The following PCDHA5 variants were observed in gnomAD, a reference collection of about 807,000 sequenced individuals.
PCDHA5 encodes the protein protocadherin alpha-5.
A neutral mutation model predicts 61.6 loss-of-function variants in PCDHA5; 43 were observed. The ratio of observed to expected loss-of-function variants is 0.70; its 90% CI spans 0.55 to 0.90. PCDHA5 has a LOEUF of 0.90. PCDHA5 is among the 40% of genes least tolerant of loss of function. PCDHA5 has a pLI of 0.00. For missense variants in PCDHA5, 1,298 were observed against 1,222.7 expected (o/e 1.06, Z -0.92); for synonymous variants, 627 against 543.9 (o/e 1.15, Z -2.13).
rs2150177437 is a variant in PCDHA5 at position 140,829,902 on chromosome 5, AC to A, written c.2352+5776del. 3 of 1,613,830 alleles carry A rather than the reference AC, an allele frequency of 1.9e-6. No homozygotes were observed. The African/African-American group carries it at 4.0e-5, about 22-fold the overall frequency. Reference sequence around the variant, plus strand: ...GCAGTTGACGCCGACTCAGGCTACAACGCGTGGCTTTCGTATGAGCTGCAGC... The same window carrying A: ...GCAGTTGACGCCGACTCAGGCTACAAGCGTGGCTTTCGTATGAGCTGCAGC... On this transcript the variant is annotated intron_variant, in intron 1 of 3. Coordinates refer to ENST00000529859, the MANE Select transcript of PCDHA5 (RefSeq NM_018908.3).
chr5:140,841,449 C>T (rs2150315739), intron 1 of PCDHA5: 8 of 1,612,922 alleles, frequency 5.0e-6, no homozygotes, highest in South Asian at 1.1e-5. Context: ...AAACACGGCA[C>T]CTTCGTGGGC....
At position 140,876,596 on chromosome 5, in the gene PCDHA5, C is replaced by G. The variant is rs1361945795; in HGVS notation, c.2352+52469C>G. ...ACCGTCATTGCCCTGATTAGCGTGT[C>G]GGATCGTGACTCTGGAGCCAATGGA... On this transcript the variant is annotated intron_variant, in intron 1 of 3. Transcript: ENST00000529859. The G allele has an allele frequency of 3.1e-6, 5 of 1,614,040 alleles. No individual in the cohort carries two copies. In the East Asian group the frequency reaches 8.9e-5, roughly 29 times the overall value.
intron 1 of PCDHA5, chr5:140,876,818 A>G: frequency 6.2e-7 from 1 of 1,614,158 alleles, no homozygotes; most frequent in Non-Finnish European, 8.5e-7. Flanking sequence ...GCCGACGTGA[A>G]CGACAATGCG....
In PCDHA5 at chr5:140,978,956, A is replaced by G; in HGVS notation, c.2360A>G (p.Gln787Arg). 3 of 1,614,194 alleles carry G rather than the reference A, an allele frequency of 1.9e-6. No individual in the cohort carries two copies. The highest frequency in any genetic ancestry group is 2.5e-6 in the Non-Finnish European group (3 of 1,180,026). ...CTCTTTGTGATTTTGCAGCCACGAC[A>G]GCCCAACCCTGACTGGCGTTACTCT... ...QGPTSTDNPR[Q>R]PNPDWRYSAS... Residue 787 changes from glutamine (Q) to arginine (R), a missense_variant, in exon 2 of 4, where the codon CAG becomes CGG. Transcript: ENST00000529859.
intron 1 of PCDHA5, chr5:140,876,650 T>C (rs782068706): frequency 3.1e-6 from 5 of 1,614,162 alleles, no homozygotes; most frequent in South Asian, 2.2e-5. Context: ...ACACCTCATG[T>C]TCCCTTCAAG....
intron 1 of PCDHA5, chr5:140,857,097 T>C (rs782084085): frequency 6.3e-7 from 1 of 1,597,284 alleles, no homozygotes; most frequent in Non-Finnish European, 8.6e-7. Context: ...CCTGAGGTGA[T>C]TGTCACTTCT....
chr5:140,921,740 C>T (rs923518440), intron 1 of PCDHA5, among the ~76,000 whole-genome samples: 1 of 152,052 alleles, frequency 6.6e-6, no homozygotes, highest in Non-Finnish European at 1.5e-5. Flanking sequence ...AAATTATAAG[C>T]ATAACAGGAC....
At chr5:140,882,556 T>C (rs367760301) in intron 1 of PCDHA5, 103 of 1,614,070 alleles carry the variant, frequency 6.4e-5, no homozygotes, top group African/African-American at 9.3e-5. Flanking sequence ...AGGAGCTGTG[T>C]GGGCGGAGCG....
At chr5:140,896,882 T>C (rs1345268084) in intron 1 of PCDHA5, among the ~76,000 whole-genome samples, 1 of 152,198 alleles carries the variant, frequency 6.6e-6, no homozygotes. Flanking sequence ...TTATGGGGTA[T>C]ATGAGACATT....
At chr5:140,861,319 C>G (rs781885907) in intron 1 of PCDHA5, 29 of 220,020 alleles carry the variant, frequency 1.3e-4, no homozygotes, top group Non-Finnish European at 2.1e-4. Context: ...ACCAGTTCCA[C>G]TACACCATCC....
At position 140,847,437 on chromosome 5, in the gene PCDHA5, C is replaced by T. The variant is rs959002697; in HGVS notation, c.2352+23310C>T. The T allele has an allele frequency of 2.0e-5, 3 of 149,574 alleles. 1 individual carries two copies. The highest frequency in any genetic ancestry group is 4.5e-5 in the Non-Finnish European group (3 of 66,910). 9.3% of individuals were successfully genotyped at this position (149,574 alleles called of 1,614,324 possible). ...CGGTTTTGCCTTTAGACTTGAGATA[C>T]ACTAAAATCTAGATTTAATTAATCG... is the stretch of plus-strand genomic sequence containing the variant. On this transcript the variant is annotated intron_variant, in intron 1 of 3. Coordinates refer to ENST00000529859, the MANE Select transcript of PCDHA5 (RefSeq NM_018908.3).
chr5:140,983,270 GGGT>G (rs1349296894), intron 3 of PCDHA5, among the ~76,000 whole-genome samples: 4 of 152,152 alleles, frequency 2.6e-5, no homozygotes, highest in Non-Finnish European at 2.9e-5. Flanking sequence ...CCTAATGGCT[GGGT>G]GAGTATAGGA....
At chr5:140,851,069 A>T in intron 1 of PCDHA5, 1 of 1,353,390 alleles carries the variant, frequency 7.4e-7, no homozygotes, top group Non-Finnish European at 9.7e-7. Flanking sequence ...TCTAGTGAGA[A>T]TTATAAACTG....
In PCDHA5 at chr5:140,967,564, A is replaced by G. The variant is rs1554229677; in HGVS notation, c.2353-11385A>G. Reference sequence around the variant, plus strand: ...ACCAGTCCACTTATCGCGTCCAGCTACGGGAGGACTCACCCCCAGGCACAT... The same window carrying G: ...ACCAGTCCACTTATCGCGTCCAGCTGCGGGAGGACTCACCCCCAGGCACAT... On this transcript the variant is annotated intron_variant, in intron 1 of 3. Coordinates refer to ENST00000529859, the MANE Select transcript of PCDHA5 (RefSeq NM_018908.3). 10 of 1,614,070 alleles carry G rather than the reference A, an allele frequency of 6.2e-6. No individual in the cohort carries two copies. The Middle Eastern group carries it at 4.9e-4, about 80-fold the overall frequency.
chr5:140,888,712 A>G (rs567823119), intron 1 of PCDHA5, among the ~76,000 whole-genome samples: 34 of 152,168 alleles, frequency 2.2e-4, no homozygotes, highest in Non-Finnish European at 4.1e-4. Flanking sequence ...GGAATGTGAA[A>G]TATTTCCAGC....
Position 140,827,976 on chromosome 5 carries a change from C to T in PCDHA5, c.2352+3849C>T, listed in dbSNP as rs1769473350. The T allele has an allele frequency of 1.3e-5, 18 of 1,405,264 alleles. No individual in the cohort carries two copies. In the Middle Eastern group the frequency reaches 7.7e-4, roughly 60 times the overall value. 87.0% of individuals were successfully genotyped at this position (1,405,264 alleles called of 1,614,324 possible). On this transcript the variant is annotated intron_variant, in intron 1 of 3. Coordinates refer to ENST00000529859, the MANE Select transcript of PCDHA5 (RefSeq NM_018908.3). Reference sequence around the variant, plus strand: ...ATTTCTTCTATTACTGCATCATTCCCTGACTGTTGAATGATGGCGGACGCA... The same window carrying T: ...ATTTCTTCTATTACTGCATCATTCCTTGACTGTTGAATGATGGCGGACGCA...
chr5:140,892,468 C>T (rs1184778883), intron 1 of PCDHA5, among the ~76,000 whole-genome samples: 10 of 152,150 alleles, frequency 6.6e-5, no homozygotes, highest in Admixed American at 3.3e-4. Flanking sequence ...TACGGTTATT[C>T]AGTTTCCTAG....
At position 140,941,191 on chromosome 5, in the gene PCDHA5, TTTTCTTTCTTCC is replaced by T. The variant is rs1293685535; in HGVS notation, c.2353-37735_2353-37724del. 2.6e-3 allele frequency among the ~76,000 whole-genome samples: 239 copies of T among 93,120 alleles called. 3 individuals are homozygous for T. Among genetic ancestry groups the T allele is most frequent in the East Asian group, 5.8e-3 (18 of 3,094 alleles). The allele number at this position is 93,120 out of a possible 152,430, so 61.1% of individuals were successfully genotyped here. ...CATCTTGAACATCCTGCTTCTTTTT[TTTTCTTTCTTCC>T]TTTCTTTCTTCCTTTCTTTCTTTCT... is the stretch of plus-strand genomic sequence containing the variant. On this transcript the variant is annotated intron_variant, in intron 1 of 3. Transcript: ENST00000529859.
intron 1 of PCDHA5, chr5:140,871,263 G>T: frequency 6.2e-7 from 1 of 1,614,010 alleles, no homozygotes; most frequent in South Asian, 1.1e-5. Flanking sequence ...ATACGGCGCT[G>T]TGGTGGTCGG....
Sources: allele counts gnomAD v4.1 joint callset (sites outside exome capture counted in the v4.1 genomes callset), GRCh38; gene constraint gnomAD v4.1.1; transcripts MANE v1.5; gene names NCBI Gene and HGNC (gene_info 2026-07-23, HGNC 2026-07-21).